Variants in FRMPD4 observed in about 807,000 individuals in gnomAD.
FRMPD4 encodes the protein FERM and PDZ domain-containing protein 4.
A neutral mutation model predicts 94.1 loss-of-function variants in FRMPD4; 22 were observed. The observed-to-expected ratio is 0.23, with a 90% CI of 0.17 to 0.33. The LOEUF is 0.33. FRMPD4 is among the 10% of genes least tolerant of loss of function. The probability of loss-of-function intolerance (pLI) is 1.00; values close to 1 mark genes in which losing one functional copy is unlikely to be tolerated. For synonymous variants in FRMPD4, 631 were observed against 548.6 expected, an observed-to-expected ratio of 1.15 and a Z score of -2.10; for missense variants, 1,111 against 1,339.9, an observed-to-expected ratio of 0.83 and a Z score of 2.67.
intron 1 of FRMPD4, among the ~76,000 whole-genome samples, chrX:11,831,844 A>G (rs998661208): frequency 8.9e-6 from 1 of 112,256 alleles, no homozygotes; most frequent in Non-Finnish European, 1.9e-5. Context: ...GATTTGGCAA[A>G]GTATTTTTTA....
At chrX:12,712,436 C>T (rs12008068) in intron 14 of FRMPD4, among the ~76,000 whole-genome samples, 2,152 of 111,168 alleles carry the variant, frequency 0.019, 54 homozygotes, top group African/African-American at 0.067. Flanking sequence ...ATAGTCCTAG[C>T]TACACGGGAG....
chrX:12,666,294 C>A (rs2059778351), intron 4 of FRMPD4, among the ~76,000 whole-genome samples: 1 of 111,218 alleles, frequency 9.0e-6, no homozygotes, highest in African/African-American at 3.3e-5. Flanking sequence ...TTCTTAGAGA[C>A]CTACAAAGAG....
At chrX:12,157,343 A>T (rs1371741227) in intron 1 of FRMPD4, among the ~76,000 whole-genome samples, 1 of 111,468 alleles carries the variant, frequency 9.0e-6, no homozygotes, top group Non-Finnish European at 1.9e-5. Context: ...TCTTCCTGGA[A>T]CATCACTTCT....
intron 3 of FRMPD4, among the ~76,000 whole-genome samples, chrX:11,940,960 C>T (rs1432341286): frequency 3.4e-4 from 2 of 5,900 alleles, no homozygotes; most frequent in African/African-American, 1.0e-3. Context: ...GCGTAGGACC[C>T]TCCGAGCCAG....
At chrX:12,342,721 C>CT (rs2055635767) in intron 1 of FRMPD4, among the ~76,000 whole-genome samples, 1 of 112,334 alleles carries the variant, frequency 8.9e-6, no homozygotes, top group African/African-American at 3.2e-5. Context: ...TTAAGGGTCA[C>CT]TTTATAGAGG....
At chrX:12,431,914 G>C (rs1011222417) in intron 1 of FRMPD4, among the ~76,000 whole-genome samples, 1 of 111,705 alleles carries the variant, frequency 9.0e-6, no homozygotes, top group Non-Finnish European at 1.9e-5. Context: ...CTTTATTGAG[G>C]ACTCAAATTC....
At chrX:12,607,907 T>A (rs771543909) in intron 2 of FRMPD4, among the ~76,000 whole-genome samples, 1 of 112,626 alleles carries the variant, frequency 8.9e-6, no homozygotes, top group Non-Finnish European at 1.9e-5. Context: ...GGAGTTGTCA[T>A]TGATCTTACC....
intron 1 of FRMPD4, among the ~76,000 whole-genome samples, chrX:11,863,131 A>T (rs1343674156): frequency 9.2e-6 from 1 of 108,644 alleles, no homozygotes; most frequent in Non-Finnish European, 1.9e-5. Flanking sequence ...TTAACTCTTC[A>T]TTTAACATTA....
At position 12,721,426 on chromosome X, in the gene FRMPD4, C is replaced by T. The variant is rs1204762432; in HGVS notation, c.4857C>T (p.Leu1619=). The T allele has an allele frequency of 2.7e-6, 2 of 751,334 alleles. No homozygotes were observed. Among genetic ancestry groups the T allele is most frequent in the Non-Finnish European group, 3.1e-6 (2 of 636,684 alleles). The allele number at this position is 751,334 out of a possible 1,213,427, so 61.9% of individuals were successfully genotyped here. ...ATGATGCCAATGAGCTGCTCTGTCT[C>T]GTCAGGGCAACCAAGGAGAAGAGGG... The part of the protein sequence containing the change: ...AQNDANELLC[L]VRATKEKREE... Residue 1619 remains leucine, a synonymous_variant, in exon 17 of 17, where the codon CTC becomes CTT. Coordinates refer to ENST00000675598, the MANE Select transcript of FRMPD4 (RefSeq NM_001368397.1).
At chrX:11,864,893 G>A (rs1231883816) in intron 1 of FRMPD4, among the ~76,000 whole-genome samples, 2 of 111,336 alleles carry the variant, frequency 1.8e-5, no homozygotes, top group Non-Finnish European at 3.8e-5. Context: ...ATAATTCATT[G>A]TTAGCAATAG....
rs1156382844 is a variant in FRMPD4 at position 12,473,444 on chromosome X, G to C, written c.42-25236G>C. On this transcript the variant is annotated intron_variant, in intron 1 of 16. Transcript: ENST00000675598. ...TAACCAGCTAACATCATAATGACAT[G>C]ATCAAATTCACACATAACAATATTA... Among the ~76,000 whole-genome samples the C allele has an allele frequency of 6.4e-5, 7 of 109,993 alleles. No homozygotes were observed. In the Admixed American group the frequency reaches 6.7e-4, roughly 10 times the overall value.
chrX:12,488,781 G>A (rs2057764167), intron 1 of FRMPD4, among the ~76,000 whole-genome samples: 1 of 111,669 alleles, frequency 9.0e-6, no homozygotes, highest in Non-Finnish European at 1.9e-5. Context: ...ACATTTTGGA[G>A]CTTGAAGGGA....
intron 2 of FRMPD4, among the ~76,000 whole-genome samples, chrX:12,507,319 G>A (rs2057995701): frequency 8.9e-6 from 1 of 112,296 alleles, no homozygotes; most frequent in Non-Finnish European, 1.9e-5. Flanking sequence ...TTTAGGCTTT[G>A]GAGGCCATGT....
chrX:12,574,479 A>G (rs370675639), intron 2 of FRMPD4, among the ~76,000 whole-genome samples: 3 of 111,376 alleles, frequency 2.7e-5, no homozygotes, highest in South Asian at 7.6e-4. Context: ...AATCTTTAGC[A>G]TGGTGGAGCC....
intron 1 of FRMPD4, among the ~76,000 whole-genome samples, chrX:12,204,938 G>A (rs948906369): frequency 2.7e-5 from 3 of 110,423 alleles, no homozygotes; most frequent in African/African-American, 9.9e-5. Context: ...TCATGAATTA[G>A]GCTAATGATT....
At position 11,935,267 on chromosome X, in the gene FRMPD4, G is replaced by GTT. The variant is rs1569129076; in HGVS notation, c.95+57250_95+57251insTT. Among the ~76,000 whole-genome samples, 6 of 3,233 alleles carry GTT rather than the reference G, an allele frequency of 1.9e-3. 1 individual carries two copies. The highest frequency in any genetic ancestry group is 4.7e-3 in the African/African-American group (3 of 645). The allele number at this position is 3,233 out of a possible 115,157, so 2.8% of individuals were successfully genotyped here. A position where few individuals can be genotyped will look rare whatever the true frequency, so the allele number is the denominator to read the frequency against. On this transcript the variant is annotated intron_variant, in intron 3 of 18. Coordinates refer to the FRMPD4 transcript ENST00000640291. The stretch of plus-strand genomic sequence containing the variant: ...TTTTGTTGTTTTTTTTTTTTTTAAT[G>GTT]TGTTTTTTTTTTTTTTTTTTTTTTT...
chrX:12,316,341 C>G (rs189798215), intron 1 of FRMPD4, among the ~76,000 whole-genome samples: 12 of 109,009 alleles, frequency 1.1e-4, no homozygotes, highest in Non-Finnish European at 7.6e-5. Context: ...TTAGTAGAGA[C>G]GAGGTTTCAC....
chrX:12,254,708 G>T (rs969031468), intron 1 of FRMPD4, among the ~76,000 whole-genome samples: 1 of 111,842 alleles, frequency 8.9e-6, no homozygotes. Flanking sequence ...AATTATTTAC[G>T]CAAGGCTTTT....
At position 12,574,033 on chromosome X, in the gene FRMPD4, C is replaced by T. The variant is rs140368336; in HGVS notation, c.159-35688C>T. Among the ~76,000 whole-genome samples, 989 of 112,339 alleles carry T rather than the reference C, an allele frequency of 8.8e-3. 12 individuals carry two copies. Among genetic ancestry groups the T allele is most frequent in the African/African-American group, 0.031 (945 of 30,951 alleles). On this transcript the variant is annotated intron_variant, in intron 2 of 16. Transcript: ENST00000675598. ...TATTTATTTTTTTGAGACAGTCTCA[C>T]GCTGTCACCCAGGCTGGAGTGCAGT...
Sources: gnomAD v4.1 joint callset for allele counts (sites outside exome capture counted in the v4.1 genomes callset) on GRCh38, gnomAD v4.1.1 for gene constraint, MANE v1.5 for transcripts, NCBI Gene and HGNC (gene_info 2026-07-23, HGNC 2026-07-21) for gene names.